Variants in GPBP1L1 observed in about 807,000 individuals in gnomAD.
GPBP1L1 encodes the protein GC-rich promoter binding protein 1 like 1, also known as vasculin-like protein 1.
A neutral mutation model predicts 52.5 loss-of-function variants in GPBP1L1; 23 were observed. The ratio of observed to expected loss-of-function variants is 0.44; its 90% CI spans 0.32 to 0.62. The LOEUF is 0.62. Among genes scored for constraint, GPBP1L1 ranks in the 20% least tolerant of loss-of-function variants. GPBP1L1 has a pLI of 0.06. For synonymous variants in GPBP1L1, 243 were observed against 203.1 expected (o/e 1.20, Z -1.67); for missense variants, 596 against 579.3 (o/e 1.03, Z -0.30).
chr1:45,641,939 T>G (rs1644680069), intron 7 of GPBP1L1: 1 of 152,800 alleles, frequency 6.5e-6, no homozygotes, highest in Admixed American at 6.5e-5. Flanking sequence ...ATCCCAGCAC[T>G]TTGGGAGGCC....
chr1:45,654,584 C>G lies in GPBP1L1; in HGVS notation c.436G>C (p.Glu146Gln), dbSNP rs1367513714. ...AACTGCAACTTTTCCACCTTGTCTT[C>G]TTTCTTTTCTTCCCTAATCTCCATA... is the stretch of plus-strand genomic sequence containing the variant. ...PPMEIREEKK[E>Q]DKVEKLQFEE... The change falls in exon 6 of 13, where the codon GAA becomes CAA. Residue 146 changes from glutamate to glutamine, a missense_variant. Coordinates refer to ENST00000355105, the MANE Select transcript of GPBP1L1 (RefSeq NM_021639.5). The G allele has an allele frequency of 6.2e-7, 1 of 1,613,088 alleles. No homozygotes were observed. Among genetic ancestry groups the G allele is most frequent in the South Asian group, 1.1e-5 (1 of 91,078 alleles).
At chr1:45,684,602 C>T (rs940244966) in intron 2 of GPBP1L1, among the ~76,000 whole-genome samples, 1 of 151,992 alleles carries the variant, frequency 6.6e-6, no homozygotes, top group African/African-American at 2.4e-5. Flanking sequence ...CCCCACACCA[C>T]AAATCAAGAG....
intron 2 of GPBP1L1, among the ~76,000 whole-genome samples, chr1:45,667,706 C>T (rs565029678): frequency 6.6e-6 from 1 of 152,282 alleles, no homozygotes; most frequent in South Asian, 2.1e-4. Context: ...AACAAACCCC[C>T]TTCCTAGAGC....
chr1:45,635,680 T>A (rs1644585223), intron 8 of GPBP1L1: 1 of 152,232 alleles, frequency 6.6e-6, no homozygotes, highest in Non-Finnish European at 1.5e-5. Context: ...GTGAATTGTA[T>A]AACCAGTTTT....
At chr1:45,685,362 CTAT>C (rs1362561195) in intron 2 of GPBP1L1, among the ~76,000 whole-genome samples, 2 of 152,250 alleles carry the variant, frequency 1.3e-5, no homozygotes, top group Non-Finnish European at 2.9e-5. Flanking sequence ...ACATGAACCA[CTAT>C]TATTAACTGT....
At chr1:45,658,804 GGT>G in intron 4 of GPBP1L1, 1 of 492,970 alleles carries the variant, frequency 2.0e-6, no homozygotes, top group Non-Finnish European at 3.6e-6. Flanking sequence ...AGCAGGGCGT[GGT>G]GGTACACAGC....
Position 45,661,032 on chromosome 1 carries a change from T to C in GPBP1L1, c.-904A>G, listed in dbSNP as rs1262830916. The C allele has an allele frequency of 6.6e-6, 1 of 152,158 alleles. No individual in the cohort carries two copies. The highest frequency in any genetic ancestry group is 1.5e-5 in the Non-Finnish European group (1 of 68,018). 9.4% of individuals were successfully genotyped at this position (152,158 alleles called of 1,614,324 possible). ...ATATTAAGAAATAGTCAAGGAGAAA[T>C]ATAGGTCCAAAATGAGGATTTCTTC... On this transcript the variant is annotated 5_prime_UTR_variant, in exon 3 of 13. In the 5' UTR this introduces an upstream ATG that the reference lacks. Transcript: ENST00000355105.
At chr1:45,668,864 G>A (rs914109321) in intron 2 of GPBP1L1, among the ~76,000 whole-genome samples, 7 of 152,094 alleles carry the variant, frequency 4.6e-5, no homozygotes, top group Non-Finnish European at 2.9e-5. Flanking sequence ...GGGAGGCTGA[G>A]GTGAGACAAT....
In GPBP1L1 at chr1:45,654,803, G is replaced by A. The variant is rs781335995; in HGVS notation, c.217C>T (p.Arg73Cys). 1.9e-5 allele frequency: 30 copies of A among 1,613,926 alleles called. No individual in the cohort carries two copies. Among genetic ancestry groups the A allele is most frequent in the Admixed American group, 3.3e-5 (2 of 59,976 alleles). ...GDSWHQPSLFRHDSVDSGVSK... is the reference protein window; with the variant it reads ...GDSWHQPSLFCHDSVDSGVSK... ...ACACCAGAGTCCACAGAATCATGGCGGAACAGGGAGGGCTGGTGCCAAGAA... is the reference window on the plus strand; with the variant it reads ...ACACCAGAGTCCACAGAATCATGGCAGAACAGGGAGGGCTGGTGCCAAGAA... Residue 73 changes from arginine (R) to cysteine (C), a missense_variant, in exon 6 of 13, where the codon CGC (arginine) becomes TGC (cysteine). Arg to Cys is a radical substitution (Grantham distance 180, BLOSUM62 -3). Coordinates refer to ENST00000355105, the MANE Select transcript of GPBP1L1 (RefSeq NM_021639.5).
chr1:45,633,762 A>T, intron 9 of GPBP1L1, 115 bp from the exon 10 acceptor site: 1 of 1,091,788 alleles, frequency 9.2e-7, no homozygotes, highest in South Asian at 1.6e-5. Flanking sequence ...TCTGTCTTAA[A>T]CCAAACAATC....
At chr1:45,634,491 A>G (rs1644569837) in intron 8 of GPBP1L1, 3 of 339,156 alleles carry the variant, frequency 8.8e-6, no homozygotes, top group East Asian at 4.5e-5. Context: ...CAATAGTTCA[A>G]TGAGTTTGGG....
At chr1:45,663,177 A>G (rs1472382437) in intron 2 of GPBP1L1, among the ~76,000 whole-genome samples, 1 of 152,198 alleles carries the variant, frequency 6.6e-6, no homozygotes, top group Non-Finnish European at 1.5e-5. Flanking sequence ...TCAAGCATCC[A>G]TATGGAAAAG....
At chr1:45,629,770 A>G (rs922363599) in intron 11 of GPBP1L1, 92 bp from the exon 12 acceptor site, 1 of 822,880 alleles carries the variant, frequency 1.2e-6, no homozygotes, top group South Asian at 1.4e-5. Flanking sequence ...TTTTCTGCCC[A>G]GGGGCAATGG....
In GPBP1L1 at chr1:45,640,410, A is replaced by C. The variant is rs770981042; in HGVS notation, c.551-7T>G. 1 of 1,610,736 alleles carries C rather than the reference A, an allele frequency of 6.2e-7. No individual in the cohort carries two copies. The highest frequency in any genetic ancestry group is 1.7e-5 in the Admixed American group (1 of 60,012). On this transcript the variant is annotated splice_region_variant and splice_polypyrimidine_tract_variant and intron_variant, in intron 7 of 12. Transcript: ENST00000355105. ...TTGGCACTAGGCGGGTTTTCTGTGA[A>C]GTACAAGAGTGGAGAGACAACAGAA...
At chr1:45,638,242 A>T (rs1469782513) in intron 8 of GPBP1L1, among the ~76,000 whole-genome samples, 3 of 152,072 alleles carry the variant, frequency 2.0e-5, no homozygotes, top group Non-Finnish European at 2.9e-5. Context: ...CTTCCAACAG[A>T]CTTCCTCATC....
chr1:45,670,787 C>CTTT (rs1157864588), intron 2 of GPBP1L1, among the ~76,000 whole-genome samples: 136 of 111,168 alleles, frequency 1.2e-3, no homozygotes, highest in East Asian at 1.6e-3. Context: ...TACCATATGT[C>CTTT]TTTTTTTTTT....
At position 45,628,016 on chromosome 1, in the gene GPBP1L1, G is replaced by C. The variant is rs1244163496; in HGVS notation, c.*240C>G. On this transcript the variant is annotated 3_prime_UTR_variant, in exon 13 of 13. Transcript: ENST00000355105. ...ATATACTGGGTGTGTATGTGTGTGTGTGTGTGAGTGTGTTTAAAAAATCTG... is the reference window on the plus strand; with the variant it reads ...ATATACTGGGTGTGTATGTGTGTGTCTGTGTGAGTGTGTTTAAAAAATCTG... The C allele has an allele frequency of 1.5e-5, 7 of 463,874 alleles. No individual in the cohort carries two copies. Among genetic ancestry groups the C allele is most frequent in the Non-Finnish European group, 2.8e-5 (7 of 252,686 alleles). The allele number at this position is 463,874 out of a possible 1,614,324, so 28.7% of individuals were successfully genotyped here.
intron 2 of GPBP1L1, among the ~76,000 whole-genome samples, chr1:45,664,897 T>C (rs1359770885): frequency 1.3e-5 from 2 of 152,092 alleles, no homozygotes. Flanking sequence ...CAGGTTGGTC[T>C]TGAACTCCTG....
intron 2 of GPBP1L1, among the ~76,000 whole-genome samples, chr1:45,661,932 T>C (rs1225159585): frequency 6.6e-6 from 1 of 152,210 alleles, no homozygotes. Flanking sequence ...AGCTTGCTGG[T>C]ATATCACCAA....
Sources: allele counts gnomAD v4.1 joint callset (sites outside exome capture counted in the v4.1 genomes callset), GRCh38; gene constraint gnomAD v4.1.1; transcripts MANE v1.5; gene names NCBI Gene and HGNC (gene_info 2026-07-23, HGNC 2026-07-21).